The following SETD3 variants were observed in gnomAD, a reference collection of about 807,000 sequenced individuals.
SETD3 encodes actin-histidine N-methyltransferase.
In SETD3, 19 loss-of-function variants were observed where a neutral mutation model predicts 63.0. That is an observed-to-expected ratio of 0.30 (90% CI 0.21 to 0.44). The LOEUF (loss-of-function observed/expected upper bound fraction) is 0.44, where lower values mean the gene tolerates loss of function less well. SETD3 is among the 20% of genes least tolerant of loss of function. SETD3 has a pLI of 1.00. For missense variants in SETD3, 587 were observed against 728.5 expected (o/e 0.81, Z 2.24); for synonymous variants, 286 against 264.1 (o/e 1.08, Z -0.80).
intron 6 of SETD3, among the ~76,000 whole-genome samples, chr14:99,434,111 T>C (rs929408590): frequency 6.6e-6 from 1 of 152,210 alleles, no homozygotes; most frequent in African/African-American, 2.4e-5. Flanking sequence ...ACAAGATTAC[T>C]TCTAGCAGCT....
intron 1 of SETD3, among the ~76,000 whole-genome samples, chr14:99,473,818 T>A (rs1257178087): frequency 6.6e-6 from 1 of 152,206 alleles, no homozygotes; most frequent in Non-Finnish European, 1.5e-5. Context: ...ATGAAGGCAC[T>A]CCCAAACTGA....
At chr14:99,480,361 G>C (rs1016650130) in intron 1 of SETD3, among the ~76,000 whole-genome samples, 1 of 151,946 alleles carries the variant, frequency 6.6e-6, no homozygotes, top group Non-Finnish European at 1.5e-5. Flanking sequence ...AGCGGGGCAA[G>C]CTCGGGGAGA....
At position 99,463,611 on chromosome 14, in the gene SETD3, T is replaced by C. The variant is rs376261209; in HGVS notation, c.104-33A>G. On this transcript the variant is annotated intron_variant, in intron 2 of 12. Transcript: ENST00000331768. Reference sequence around the variant, plus strand: ...ATAAGAGGCATGGTACTGAAACACTTCTCTCTTTCAACTTAACCTACTAGT... The same window carrying C: ...ATAAGAGGCATGGTACTGAAACACTCCTCTCTTTCAACTTAACCTACTAGT... The C allele has an allele frequency of 5.2e-6, 8 of 1,545,314 alleles. No individual in the cohort carries two copies. In the Admixed American group the frequency reaches 1.0e-4, roughly 20 times the overall value.
At chr14:99,420,156 C>T (rs1213309937) in intron 6 of SETD3, among the ~76,000 whole-genome samples, 1 of 152,136 alleles carries the variant, frequency 6.6e-6, no homozygotes, top group South Asian at 2.1e-4. Context: ...TCCTCCTGCC[C>T]TGTTCCTGCC....
chr14:99,410,306 T>G, intron 8 of SETD3: 3 of 1,596,570 alleles, frequency 1.9e-6, no homozygotes, highest in South Asian at 2.2e-5. Flanking sequence ...TGTCTGCTAT[T>G]GTAAAAATGG....
chr14:99,409,204 A>C (rs1355074833), intron 8 of SETD3, among the ~76,000 whole-genome samples: 1 of 152,198 alleles, frequency 6.6e-6, no homozygotes, highest in East Asian at 1.9e-4. Context: ...ACTGAGTGCC[A>C]TACTATGCCA....
chr14:99,403,879 G>T (rs1419450116), intron 11 of SETD3, among the ~76,000 whole-genome samples: 1 of 152,204 alleles, frequency 6.6e-6, no homozygotes, highest in Non-Finnish European at 1.5e-5. Flanking sequence ...ACTGCTCTAT[G>T]TAAGTGAAAA....
intron 6 of SETD3, among the ~76,000 whole-genome samples, chr14:99,425,004 C>A (rs533640682): frequency 2.0e-5 from 3 of 152,208 alleles, no homozygotes; most frequent in African/African-American, 7.2e-5. Flanking sequence ...GTGGGGAGGA[C>A]ACGGGGCTTC....
chr14:99,460,942 C>T (rs923728084), intron 4 of SETD3, among the ~76,000 whole-genome samples: 1 of 152,186 alleles, frequency 6.6e-6, no homozygotes, highest in Non-Finnish European at 1.5e-5. Context: ...GTTCTATGGT[C>T]TCCTAACAGA....
intron 8 of SETD3, among the ~76,000 whole-genome samples, chr14:99,411,049 T>C (rs1347239218): frequency 6.6e-6 from 1 of 152,232 alleles, no homozygotes; most frequent in Non-Finnish European, 1.5e-5. Context: ...CTTTGTAGTG[T>C]TAAAAAATAG....
chr14:99,453,785 C>T (rs2139759504), intron 6 of SETD3, among the ~76,000 whole-genome samples: 1 of 152,060 alleles, frequency 6.6e-6, no homozygotes, highest in Middle Eastern at 3.4e-3. Context: ...GAGATCATGC[C>T]ACCGCACTCC....
intron 6 of SETD3, among the ~76,000 whole-genome samples, chr14:99,454,938 AC>A (rs2139762753): frequency 6.6e-6 from 1 of 152,338 alleles, no homozygotes; most frequent in East Asian, 1.9e-4. Flanking sequence ...GCTTTGATAA[AC>A]ACTCCAACTT....
intron 11 of SETD3, 95 bp downstream of exon 11, chr14:99,404,130 A>T: frequency 1.1e-6 from 1 of 920,892 alleles, no homozygotes; most frequent in Non-Finnish European, 1.6e-6. Context: ...CTGTAGTTTT[A>T]ATCCACTTTA....
chr14:99,474,964 T>C (rs1895897291), intron 1 of SETD3, among the ~76,000 whole-genome samples: 1 of 152,236 alleles, frequency 6.6e-6, no homozygotes, highest in Admixed American at 6.5e-5. Context: ...TAGTAGGTTT[T>C]AGTTTTAAAC....
intron 1 of SETD3, among the ~76,000 whole-genome samples, chr14:99,479,048 C>A (rs1896121493): frequency 6.6e-6 from 1 of 152,208 alleles, no homozygotes; most frequent in African/African-American, 2.4e-5. Flanking sequence ...TACATACAGA[C>A]ATAAGATGTT....
intron 12 of SETD3, 76 bp downstream of exon 12, chr14:99,400,023 G>C (rs1891303502): frequency 1.5e-6 from 2 of 1,366,446 alleles, no homozygotes; most frequent in East Asian, 5.1e-5. Context: ...TTACAGGCGT[G>C]AGCCACCGCA....
intron 3 of SETD3, among the ~76,000 whole-genome samples, chr14:99,462,562 GT>G (rs1260863888): frequency 3.9e-5 from 6 of 152,180 alleles, no homozygotes; most frequent in Non-Finnish European, 5.9e-5. Flanking sequence ...TACCCTCAGT[GT>G]CAGGTATAGT....
intron 6 of SETD3, among the ~76,000 whole-genome samples, chr14:99,451,403 A>G (rs1243313465): frequency 6.6e-6 from 1 of 152,170 alleles, no homozygotes; most frequent in Admixed American, 6.5e-5. Context: ...CTCAGCCACA[A>G]TTTCTAAACT....
At chr14:99,419,550 C>A (rs1479499107) in intron 6 of SETD3, among the ~76,000 whole-genome samples, 1 of 151,956 alleles carries the variant, frequency 6.6e-6, no homozygotes, top group Non-Finnish European at 1.5e-5. Flanking sequence ...CCGAAGCGGG[C>A]GGATCACGAG....
Sources: allele counts gnomAD v4.1 joint callset (sites outside exome capture counted in the v4.1 genomes callset), GRCh38; gene constraint gnomAD v4.1.1; transcripts MANE v1.5; gene names NCBI Gene and HGNC (gene_info 2026-07-23, HGNC 2026-07-21).